Variants in HACE1 observed in about 807,000 individuals in gnomAD.
HACE1 encodes the protein HECT domain and ankyrin repeat containing E3 ubiquitin protein ligase 1, also known as E3 ubiquitin-protein ligase HACE1.
A neutral mutation model predicts 118.4 loss-of-function variants in HACE1; 73 were observed. The observed-to-expected ratio is 0.62, with a 90% CI of 0.51 to 0.75. HACE1 has a LOEUF of 0.75. Ranked by LOEUF, HACE1 falls within the 30% of genes least tolerant of loss-of-function variation. The pLI, the probability that HACE1 is intolerant of heterozygous loss-of-function variation, is 0.00. For synonymous variants in HACE1, 368 were observed against 374.8 expected (o/e 0.98, Z 0.21); for missense variants, 749 against 1,102.2 (o/e 0.68, Z 4.54).
At chr6:104,819,921 G>A (rs1455094229) in intron 6 of HACE1, among the ~76,000 whole-genome samples, 2 of 152,050 alleles carry the variant, frequency 1.3e-5, no homozygotes, top group East Asian at 1.9e-4. Flanking sequence ...CCCAGGCCAG[G>A]TGCAGCAGCT....
chr6:104,800,178 C>A lies in HACE1; in HGVS notation c.618-3153G>T, dbSNP rs547704374. Among the ~76,000 whole-genome samples the A allele has an allele frequency of 2.1e-4, 32 of 152,148 alleles. No homozygotes were observed. The East Asian group carries it at 5.1e-3, about 24-fold the overall frequency. On this transcript the variant is annotated intron_variant, in intron 7 of 23. Transcript: ENST00000262903. ...GCGGGGGTAGGGGCATCTGCCATTA[C>A]TGGGGCTTGAGTAGGTAAACAAAGC...
intron 7 of HACE1, 96 bp from the exon 8 acceptor site, chr6:104,797,121 CTT>C (rs1769742149): frequency 2.7e-6 from 2 of 753,990 alleles, no homozygotes; most frequent in African/African-American, 1.7e-5. Context: ...AAGAGTATCA[CTT>C]TTAAAAATTA....
chr6:104,734,485 G>C (rs1166315650), intron 22 of HACE1, among the ~76,000 whole-genome samples: 2 of 151,906 alleles, frequency 1.3e-5, no homozygotes, highest in African/African-American at 2.4e-5. Context: ...CTAATGACTG[G>C]GAGTTCGAGG....
At chr6:104,849,394 T>A in intron 3 of HACE1, 148 bp from the exon 4 acceptor site, 1 of 681,284 alleles carries the variant, frequency 1.5e-6, no homozygotes, top group South Asian at 1.6e-5. Context: ...TGGAGTGCAG[T>A]GGCACCATCA....
chr6:104,806,816 C>G (rs1771050021), intron 7 of HACE1, among the ~76,000 whole-genome samples: 1 of 152,076 alleles, frequency 6.6e-6, no homozygotes, highest in African/African-American at 2.4e-5. Flanking sequence ...CTTGTGGTGG[C>G]TTCTAAAGCA....
At chr6:104,821,894 T>G (rs1417890631) in intron 6 of HACE1, among the ~76,000 whole-genome samples, 1 of 152,176 alleles carries the variant, frequency 6.6e-6, no homozygotes, top group Non-Finnish European at 1.5e-5. Context: ...GAGTCAAGCT[T>G]AAGTACCTAG....
At chr6:104,773,847 T>C (rs1479458467) in intron 17 of HACE1, among the ~76,000 whole-genome samples, 1 of 151,610 alleles carries the variant, frequency 6.6e-6, no homozygotes, top group African/African-American at 2.4e-5. Context: ...AAATTTTAAA[T>C]AGAATTAAAA....
intron 19 of HACE1, 116 bp downstream of exon 19, chr6:104,771,077 C>T (rs769360751): frequency 4.7e-5 from 35 of 737,002 alleles, no homozygotes; most frequent in Non-Finnish European, 8.1e-5. Context: ...GTTTTATCTG[C>T]TATGATACTG....
intron 7 of HACE1, 67 bp from the exon 8 acceptor site, chr6:104,797,092 A>G: frequency 1.2e-6 from 1 of 851,778 alleles, no homozygotes; most frequent in Non-Finnish European, 2.1e-6. Flanking sequence ...AATTATGGAT[A>G]GTTAATATGA....
rs1363685433 is a variant in HACE1 at position 104,796,992 on chromosome 6, T to A, written c.651A>T (p.Leu217=). Residue 217 remains leucine (L), a synonymous_variant, in exon 8 of 24, where the codon CTA becomes CTT. Transcript: ENST00000262903. ...CTGGCAGATATTTGGCTCCTCGTAA[T>A]AGTAGGATCTGTGCTGTATCTCTCT... is the stretch of plus-strand genomic sequence containing the variant. ...HGQRDTAQIL[L]LRGAKYLPDK... 1 of 1,600,154 alleles carries A rather than the reference T, an allele frequency of 6.2e-7. No individual in the cohort carries two copies. Among genetic ancestry groups the A allele is most frequent in the Admixed American group, 1.7e-5 (1 of 60,004 alleles).
At position 104,776,115 on chromosome 6, in the gene HACE1, G is replaced by C. The variant is rs563888699; in HGVS notation, c.1864+626C>G. Among the ~76,000 whole-genome samples the C allele has an allele frequency of 3.9e-5, 6 of 152,296 alleles. No homozygotes were observed. The South Asian group carries it at 1.2e-3, about 32-fold the overall frequency. ...AGGGCACAAGCACCATTTCAACAAGGAGAGTTAATTATCTGTTTTATATGG... is the reference window on the plus strand; with the variant it reads ...AGGGCACAAGCACCATTTCAACAAGCAGAGTTAATTATCTGTTTTATATGG... On this transcript the variant is annotated intron_variant, in intron 17 of 23. Coordinates refer to ENST00000262903, the MANE Select transcript of HACE1 (RefSeq NM_020771.4).
At chr6:104,785,663 C>A (rs1288849177) in intron 11 of HACE1, 2 of 244,504 alleles carry the variant, frequency 8.2e-6, no homozygotes, top group Non-Finnish European at 1.6e-5. Context: ...ATATAATCAC[C>A]CTTAACATTT....
chr6:104,788,772 A>C (rs1265459803), intron 11 of HACE1, among the ~76,000 whole-genome samples: 2 of 152,128 alleles, frequency 1.3e-5, no homozygotes, highest in Non-Finnish European at 1.5e-5. Flanking sequence ...AAATGCTCCA[A>C]ATTTCCCAAG....
At chr6:104,759,748 C>A (rs1779124461) in intron 19 of HACE1, among the ~76,000 whole-genome samples, 1 of 151,966 alleles carries the variant, frequency 6.6e-6, no homozygotes, top group Non-Finnish European at 1.5e-5. Flanking sequence ...TCAAACAAAT[C>A]AATAAATCCA....
intron 19 of HACE1, among the ~76,000 whole-genome samples, chr6:104,768,972 G>T (rs1295541221): frequency 3.3e-5 from 5 of 152,020 alleles, no homozygotes; most frequent in Non-Finnish European, 7.4e-5. Context: ...CAAAAATCAT[G>T]TCATAGTAAG....
intron 6 of HACE1, among the ~76,000 whole-genome samples, chr6:104,827,776 G>A (rs1394253569): frequency 6.6e-6 from 1 of 152,112 alleles, no homozygotes; most frequent in East Asian, 1.9e-4. Flanking sequence ...AGAGCTGACT[G>A]AACATAGTTG....
At chr6:104,821,237 T>C (rs1013478859) in intron 6 of HACE1, among the ~76,000 whole-genome samples, 1 of 152,046 alleles carries the variant, frequency 6.6e-6, no homozygotes, top group African/African-American at 2.4e-5. Context: ...AACTAATGTA[T>C]ACTAGGCTAC....
At chr6:104,835,258 C>T (rs970524267) in intron 5 of HACE1, among the ~76,000 whole-genome samples, 2 of 152,132 alleles carry the variant, frequency 1.3e-5, no homozygotes, top group East Asian at 3.9e-4. Context: ...TTTTCCATTT[C>T]CACCAAACAT....
intron 11 of HACE1, chr6:104,786,926 C>T (rs1782482461): frequency 6.6e-6 from 1 of 152,236 alleles, no homozygotes; most frequent in Non-Finnish European, 1.5e-5. Context: ...ATTATACAAC[C>T]ATATTTGGAA....
Sources: allele counts gnomAD v4.1 joint callset (sites outside exome capture counted in the v4.1 genomes callset), GRCh38; gene constraint gnomAD v4.1.1; transcripts MANE v1.5; gene names NCBI Gene and HGNC (gene_info 2026-07-23, HGNC 2026-07-21).